SPTBN5: variants seen among roughly 807,000 people sequenced by gnomAD.
SPTBN5 encodes spectrin beta chain, non-erythrocytic 5.
A neutral mutation model predicts 477.6 loss-of-function variants in SPTBN5; 513 were observed. That is an observed-to-expected ratio of 1.07 (90% confidence interval 1.00 to 1.16). The LOEUF (loss-of-function observed/expected upper bound fraction) is 1.16, where lower values mean the gene tolerates loss of function less well. Among genes scored for constraint, SPTBN5 ranks in the 50% most tolerant of loss-of-function variants. The pLI, the probability that SPTBN5 is intolerant of heterozygous loss-of-function variation, is 0.00. For missense variants in SPTBN5, 5,062 were observed against 4,731.8 expected, an observed-to-expected ratio of 1.07 and a Z score of -2.05; for synonymous variants, 2,169 against 2,011.7, an observed-to-expected ratio of 1.08 and a Z score of -2.09.
At chr15:41,851,431 T>C (rs2065758143) in intron 63 of SPTBN5, 62 bp from the exon 64 acceptor site, 2 of 1,222,582 alleles carry the variant, frequency 1.6e-6, no homozygotes, top group Admixed American at 2.0e-5. Flanking sequence ...CTAGGGCCTG[T>C]CCACGCCTCA....
chr15:41,849,319 C>T (rs540091442), intron 67 of SPTBN5, among the ~76,000 whole-genome samples: 10 of 152,344 alleles, frequency 6.6e-5, no homozygotes, highest in Non-Finnish European at 1.2e-4. Flanking sequence ...CATCCACCTT[C>T]GCATCTCCTC....
At position 41,855,225 on chromosome 15, in the gene SPTBN5, T is replaced by C. The variant is rs1261695975; in HGVS notation, c.9422A>G (p.Lys3141Arg). ...QDYGQDLEGVKVLEEKFDAFR... is the reference protein window; with the variant it reads ...QDYGQDLEGVRVLEEKFDAFR... ...GAGGTTTGCTCAGGAGTAACTCACC[T>C]TGACACCCTCCAGGTCCTGCCCGTA... Residue 3141 changes from lysine to arginine, a missense_variant and splice_region_variant, in exon 55 of 68, where the codon AAG becomes AGG. Coordinates refer to ENST00000320955, the MANE Select transcript of SPTBN5 (RefSeq NM_016642.4). 1 of 1,608,806 alleles carries C rather than the reference T, an allele frequency of 6.2e-7. No homozygotes were observed. Among genetic ancestry groups the C allele is most frequent in the Non-Finnish European group, 8.5e-7 (1 of 1,176,878 alleles).
At chr15:41,888,614 C>T (rs2067223817) in intron 4 of SPTBN5, among the ~76,000 whole-genome samples, 1 of 152,268 alleles carries the variant, frequency 6.6e-6, no homozygotes, top group South Asian at 2.1e-4. Flanking sequence ...GGAGGCACCA[C>T]TATGCCCAGC....
rs927197882 is a variant in SPTBN5 at position 41,887,424 on chromosome 15, T to C, written c.677A>G (p.Tyr226Cys). The change falls in exon 6 of 68, where the codon TAC becomes TGC. Residue 226 changes from tyrosine (Y) to cysteine (C), a missense_variant. Physicochemically the swap from Tyr to Cys is radical, Grantham distance 194. Transcript: ENST00000320955. ...TGGGCGGTCTGGACGCAGGGAGCCGTAGTCCAACAGGTCTGGCCTGGACAG... is the reference window on the plus strand; with the variant it reads ...TGGGCGGTCTGGACGCAGGGAGCCGCAGTCCAACAGGTCTGGCCTGGACAG... ...IHAHRPDLLDYGSLRPDRPLH... is the reference protein window; with the variant it reads ...IHAHRPDLLDCGSLRPDRPLH... The C allele has an allele frequency of 1.3e-5, 20 of 1,552,840 alleles. No homozygotes were observed. Among genetic ancestry groups the C allele is most frequent in the African/African-American group, 9.6e-5 (7 of 73,180 alleles).
Position 41,867,042 on chromosome 15 carries a change from T to C in SPTBN5, c.6397A>G (p.Arg2133Gly). 1 of 1,553,366 alleles carries C rather than the reference T, an allele frequency of 6.4e-7. No individual in the cohort carries two copies. The highest frequency in any genetic ancestry group is 8.7e-7 in the Non-Finnish European group (1 of 1,149,140). ...CGGCTCTCCGCCAGCTCCTTCACTC[T>C]CATCCGGCGCTGCAGCAGGATGGGA... ...RLPILLQRRMRVKELAESRGH... is the reference protein window; with the variant it reads ...RLPILLQRRMGVKELAESRGH... Residue 2133 changes from arginine (R) to glycine (G), a missense_variant, in exon 36 of 68, where the codon AGA (arginine) becomes GGA (glycine). Arg to Gly is a moderately radical substitution (Grantham distance 125, BLOSUM62 -2). Coordinates refer to ENST00000320955, the MANE Select transcript of SPTBN5 (RefSeq NM_016642.4).
rs1407095528 is a variant in SPTBN5 at position 41,874,847 on chromosome 15, G to C, written c.4497C>G (p.Leu1499=). 2 of 1,604,194 alleles carry C rather than the reference G, an allele frequency of 1.2e-6. No individual in the cohort carries two copies. The highest frequency in any genetic ancestry group is 2.7e-5 in the African/African-American group (2 of 74,726). ...PAILEETQKH[L]RRLELLQGHL... ...GGTGGGAGGACAGACCCCACCTCCG[G>C]AGGTGCTTCTGGGTCTCTTCCAGGA... Residue 1499 remains leucine, a synonymous_variant, in exon 23 of 68, where the codon CTC becomes CTG. Coordinates refer to ENST00000320955, the MANE Select transcript of SPTBN5 (RefSeq NM_016642.4).
intron 56 of SPTBN5, 151 bp downstream of exon 56, chr15:41,854,631 G>A (rs2065878585): frequency 1.5e-6 from 1 of 648,230 alleles, no homozygotes; most frequent in Non-Finnish European, 2.5e-6. Flanking sequence ...ATTCCTGGAA[G>A]AAAGCTGAGC....
In SPTBN5 at chr15:41,868,288, G is replaced by A. The variant is rs753166775; in HGVS notation, c.6058-70C>T. On this transcript the variant is annotated intron_variant, in intron 33 of 67. Transcript: ENST00000320955. Reference sequence around the variant, plus strand: ...GGGTGAGGTGAGGACTGGATCCTGAGGGAAGCTCCTGAGGAGAGGCCAGCA... The same window carrying A: ...GGGTGAGGTGAGGACTGGATCCTGAAGGAAGCTCCTGAGGAGAGGCCAGCA... 1.9e-5 allele frequency: 30 copies of A among 1,563,826 alleles called. No individual in the cohort carries two copies. The East Asian group carries it at 2.6e-4, about 13-fold the overall frequency.
chr15:41,855,733 C>A lies in SPTBN5; in HGVS notation c.9034G>T (p.Gly3012Ter). The A allele has an allele frequency of 6.3e-7, 1 of 1,583,008 alleles. No individual in the cohort carries two copies. The highest frequency in any genetic ancestry group is 8.6e-7 in the Non-Finnish European group (1 of 1,164,978). Residue 3012 changes from glycine (G) to a stop codon, truncating the protein, a stop_gained, in exon 54 of 68, where the codon GGA (glycine) becomes TGA (stop). Coordinates refer to ENST00000320955, the MANE Select transcript of SPTBN5 (RefSeq NM_016642.4). LOFTEE classifies it high-confidence loss of function. ...QQFLTELLEA[G>*]SWLAERGHVL... ...TGGCCCCGCTCAGCCAGCCAGGATC[C>A]CGCCTCCAGGAGCTGGGGGTGACAG...
At chr15:41,859,361 G>C (rs993203399) in intron 47 of SPTBN5, among the ~76,000 whole-genome samples, 1 of 152,152 alleles carries the variant, frequency 6.6e-6, no homozygotes, top group African/African-American at 2.4e-5. Flanking sequence ...GTTTCCCCAT[G>C]TTGGCCAGAC....
At chr15:41,870,053 G>A (rs754322450) in intron 31 of SPTBN5, 33 bp from the exon 32 acceptor site, 253 of 1,459,868 alleles carry the variant, frequency 1.7e-4, no homozygotes, top group Non-Finnish European at 2.1e-4. Context: ...GGAGGCAAGG[G>A]TCATGTCCTC....
intron 56 of SPTBN5, 148 bp from the exon 57 acceptor site, chr15:41,854,353 T>C (rs1221272264): frequency 4.2e-6 from 3 of 710,994 alleles, no homozygotes; most frequent in Non-Finnish European, 5.9e-6. Context: ...CCATCCTCCA[T>C]GCTGCAGCCC....
chr15:41,854,329 C>G (rs2065868299), intron 56 of SPTBN5, 124 bp from the exon 57 acceptor site: 1 of 1,223,204 alleles, frequency 8.2e-7, no homozygotes, highest in Non-Finnish European at 1.1e-6. Context: ...TTGATGTGTC[C>G]CCAGGTACAG....
chr15:41,848,372 C>G lies in SPTBN5; in HGVS notation c.*244G>C. Reference sequence around the variant, plus strand: ...GCCCTGGCCTTGCCCACCTGCTCTGCCGTAACACGTCTCCTCTTCACCCAG... The same window carrying G: ...GCCCTGGCCTTGCCCACCTGCTCTGGCGTAACACGTCTCCTCTTCACCCAG... On this transcript the variant is annotated 3_prime_UTR_variant, in exon 68 of 68. Coordinates refer to ENST00000320955, the MANE Select transcript of SPTBN5 (RefSeq NM_016642.4). The G allele has an allele frequency of 3.4e-6, 2 of 593,854 alleles. No individual in the cohort carries two copies. The highest frequency in any genetic ancestry group is 2.9e-5 in the East Asian group (1 of 34,560). 36.8% of individuals were successfully genotyped at this position (593,854 alleles called of 1,614,324 possible). A position where few individuals can be genotyped will look rare whatever the true frequency, so the allele number is the denominator to read the frequency against.
rs1168399747 is a variant in SPTBN5 at position 41,874,852 on chromosome 15, G to A, written c.4492C>T (p.His1498Tyr). 3.1e-6 allele frequency: 5 copies of A among 1,605,186 alleles called. No homozygotes were observed. The highest frequency in any genetic ancestry group is 1.3e-5 in the African/African-American group (1 of 74,762). Residue 1498 changes from histidine to tyrosine, a missense_variant, in exon 23 of 68, where the codon CAC becomes TAC. By Grantham distance (83) the His-to-Tyr change is moderately conservative. Coordinates refer to ENST00000320955, the MANE Select transcript of SPTBN5 (RefSeq NM_016642.4). Reference sequence around the variant, plus strand: ...GAGGACAGACCCCACCTCCGGAGGTGCTTCTGGGTCTCTTCCAGGATGGCC... The same window carrying A: ...GAGGACAGACCCCACCTCCGGAGGTACTTCTGGGTCTCTTCCAGGATGGCC... ...SPAILEETQK[H>Y]LRRLELLQGH...
intron 3 of SPTBN5, 83 bp from the exon 4 acceptor site, chr15:41,890,288 C>T (rs898301255): frequency 5.2e-5 from 48 of 920,306 alleles, no homozygotes; most frequent in African/African-American, 1.6e-4. Context: ...GGGCCAGCTG[C>T]GGGATGGGAG....
In SPTBN5 at chr15:41,860,587, T is replaced by C; in HGVS notation, c.7987A>G (p.Arg2663Gly). ...CCCTCACCCCAGAGCCACCACTACCTCAGAAGCATGGCCTGGCACCTGCCC... is the reference window on the plus strand; with the variant it reads ...CCCTCACCCCAGAGCCACCACTACCCCAGAAGCATGGCCTGGCACCTGCCC... ...ALGRCQAMLL[R>G]KEALFRQAGT... The change falls in exon 47 of 68, where the codon AGG becomes GGG. Residue 2663 changes from arginine (R) to glycine (G), a missense_variant and splice_region_variant. Arg to Gly is a moderately radical substitution (Grantham distance 125). Coordinates refer to ENST00000320955, the MANE Select transcript of SPTBN5 (RefSeq NM_016642.4). 2 of 1,441,352 alleles carry C rather than the reference T, an allele frequency of 1.4e-6. No individual in the cohort carries two copies. The highest frequency in any genetic ancestry group is 1.8e-6 in the Non-Finnish European group (2 of 1,092,004). 89.3% of individuals were successfully genotyped at this position (1,441,352 alleles called of 1,614,324 possible).
Position 41,878,358 on chromosome 15 carries a change from G to T in SPTBN5, c.3454C>A (p.His1152Asn). 1.2e-6 allele frequency: 2 copies of T among 1,613,668 alleles called. No homozygotes were observed. The highest frequency in any genetic ancestry group is 2.2e-5 in the East Asian group (1 of 44,868). ...TGTCCTGACCTCTCCTGCCACAGGT[G>T]GATCTCCTCCAGCAGGTCTTGGTGC... ...REHQDLLEEI[H>N]LWQERLQQLD... The change falls in exon 17 of 68, where the codon CAC (histidine) becomes AAC (asparagine). Residue 1152 changes from histidine to asparagine, a missense_variant. By Grantham distance (68) the His-to-Asn change is moderately conservative. Coordinates refer to ENST00000320955, the MANE Select transcript of SPTBN5 (RefSeq NM_016642.4).
intron 29 of SPTBN5, 103 bp from the exon 30 acceptor site, chr15:41,870,663 G>A (rs1298960905): frequency 7.4e-6 from 7 of 943,136 alleles, no homozygotes; most frequent in Middle Eastern, 3.2e-4. Flanking sequence ...GAGTTGTATC[G>A]GGACTTGCCC....
Sources: gnomAD v4.1 joint callset for allele counts (sites outside exome capture counted in the v4.1 genomes callset) on GRCh38, gnomAD v4.1.1 for gene constraint, MANE v1.5 for transcripts, NCBI Gene and HGNC (gene_info 2026-07-23, HGNC 2026-07-21) for gene names.